Variants in GREB1 observed in about 807,000 individuals in gnomAD.
GREB1 encodes the protein growth regulating estrogen receptor binding 1.
Under a neutral mutation model 200.7 loss-of-function variants are expected in GREB1, and 106 were observed. The observed-to-expected ratio is 0.53, with a 90% CI of 0.45 to 0.62. The LOEUF is 0.62. Among genes scored for constraint, GREB1 ranks in the 20% least tolerant of loss-of-function variants. The pLI is 0.00. For synonymous variants in GREB1, 1,132 were observed against 1,092.4 expected, an observed-to-expected ratio of 1.04 and a Z score of -0.72; for missense variants, 2,243 against 2,556.8, an observed-to-expected ratio of 0.88 and a Z score of 2.65.
chr2:11,517,940 A>C (rs1365386721), intron 1 of GREB1, among the ~76,000 whole-genome samples: 2 of 152,230 alleles, frequency 1.3e-5, no homozygotes, highest in African/African-American at 4.8e-5. Flanking sequence ...ACAGTGAAGC[A>C]TCTTTAACAG....
intron 7 of GREB1, among the ~76,000 whole-genome samples, chr2:11,584,253 G>A (rs534722575): frequency 7.2e-5 from 11 of 152,188 alleles, no homozygotes; most frequent in Non-Finnish European, 1.5e-4. Flanking sequence ...AGAAACTATG[G>A]AAACCAATTC....
chr2:11,495,154 C>T (rs1293476407), intron 1 of GREB1, among the ~76,000 whole-genome samples: 1 of 152,186 alleles, frequency 6.6e-6, no homozygotes, highest in Non-Finnish European at 1.5e-5. Flanking sequence ...ACATATTGCT[C>T]CTGAGCCATG....
In GREB1 at chr2:11,633,770, C is replaced by A. The variant is rs1304255077; in HGVS notation, c.4992-361C>A. Among the ~76,000 whole-genome samples the A allele has an allele frequency of 1.3e-5, 2 of 152,136 alleles. No homozygotes were observed. The highest frequency in any genetic ancestry group is 4.8e-5 in the African/African-American group (2 of 41,412). ...AAACTCCCTTCCTGCTGCCCCAGCC[C>A]CACCCCTCCTCACTAGCCTGACTGC... On this transcript the variant is annotated intron_variant, in intron 28 of 32. Coordinates refer to ENST00000381486, the MANE Select transcript of GREB1 (RefSeq NM_014668.4). The surrounding 1 kb of genome is among the most constrained non-coding windows in gnomAD (Gnocchi z 4.1).
intron 4 of GREB1, among the ~76,000 whole-genome samples, chr2:11,571,205 T>C (rs986581591): frequency 6.6e-6 from 1 of 152,208 alleles, no homozygotes; most frequent in Non-Finnish European, 1.5e-5. Flanking sequence ...AGTAACTGTT[T>C]ATTTTCAGGC....
Position 11,589,006 on chromosome 2 carries a change from G to A in GREB1, c.1345+75G>A, listed in dbSNP as rs114346463. On this transcript the variant is annotated intron_variant, in intron 10 of 32. Transcript: ENST00000381486. ...GAGCACAGACCTGGCCTCGGCCCTC[G>A]TGGGGGCTGACTTGGGCTGCTGGAA... 1,345 of 1,187,154 alleles carry A rather than the reference G, an allele frequency of 1.1e-3. 9 individuals carry two copies. The African/African-American group carries it at 0.018, about 16-fold the overall frequency. The allele number at this position is 1,187,154 out of a possible 1,614,324, so 73.5% of individuals were successfully genotyped here.
intron 27 of GREB1, 127 bp from the exon 28 acceptor site, chr2:11,632,762 G>A: frequency 1.4e-6 from 1 of 696,296 alleles, no homozygotes; most frequent in East Asian, 2.7e-5. Context: ...TTTGTGACAG[G>A]TGATTCATGT....
At chr2:11,556,107 A>T (rs1676406626) in intron 1 of GREB1, among the ~76,000 whole-genome samples, 1 of 152,232 alleles carries the variant, frequency 6.6e-6, no homozygotes, top group Non-Finnish European at 1.5e-5. Flanking sequence ...GCCTTTTACC[A>T]GCAAAGACAA....
intron 19 of GREB1, 127 bp downstream of exon 19, chr2:11,612,737 T>G: frequency 3.3e-6 from 2 of 615,068 alleles, no homozygotes; most frequent in South Asian, 3.9e-5. Context: ...ACAGGCCCCG[T>G]GGGTGGGGCC....
chr2:11,570,826 C>T (rs749878026), intron 4 of GREB1, among the ~76,000 whole-genome samples: 2 of 152,180 alleles, frequency 1.3e-5, no homozygotes, highest in South Asian at 2.1e-4. Context: ...TAGAGGAGTA[C>T]GATGGCCTGA....
chr2:11,539,017 CCT>C (rs1674522063), intron 1 of GREB1, among the ~76,000 whole-genome samples: 19 of 80,540 alleles, frequency 2.4e-4, no homozygotes, highest in Non-Finnish European at 3.0e-4. Flanking sequence ...CCTTCTCCTC[CCT>C]TCTCTTCTCT....
At chr2:11,631,179 G>T (rs1684846647) in intron 26 of GREB1, among the ~76,000 whole-genome samples, 1 of 152,210 alleles carries the variant, frequency 6.6e-6, no homozygotes, top group South Asian at 2.1e-4. Context: ...TGTGGCAGGT[G>T]CTCTGAGGAA....
chr2:11,585,180 G>A lies in GREB1; in HGVS notation c.921G>A (p.Gly307=). 1.9e-6 allele frequency: 3 copies of A among 1,575,358 alleles called. No homozygotes were observed. Among genetic ancestry groups the A allele is most frequent in the Non-Finnish European group, 2.6e-6 (3 of 1,163,958 alleles). ...PSALGILSNS[G]PPKKRHKGWS... Reference sequence around the variant, plus strand: ...GTCTAGGTATCTTGTCAAACTCCGGGCCCCCCAAAAAACGCCACAAAGGGT... The same window carrying A: ...GTCTAGGTATCTTGTCAAACTCCGGACCCCCCAAAAAACGCCACAAAGGGT... The change falls in exon 8 of 33, where the codon GGG becomes GGA. Residue 307 remains glycine, a synonymous_variant. Transcript: ENST00000381486.
In GREB1 at chr2:11,548,264, A is replaced by G. The variant is rs546441106; in HGVS notation, c.-161-8190A>G. Among the ~76,000 whole-genome samples the G allele has an allele frequency of 3.3e-4, 48 of 144,782 alleles. No homozygotes were observed. Among genetic ancestry groups the G allele is most frequent in the Non-Finnish European group, 6.4e-4 (43 of 66,718 alleles). The allele number at this position is 144,782 out of a possible 152,430, so 95.0% of individuals were successfully genotyped here. On this transcript the variant is annotated intron_variant, in intron 1 of 32. Transcript: ENST00000381486. This position sits in a 1 kb window ranked among gnomAD's most constrained non-coding sequence, Gnocchi z 5.1. ...CACATACCCAAACATATGTGCACAC[A>G]CATGTACAGCCAGACACATGCACAC... is the stretch of plus-strand genomic sequence containing the variant.
chr2:11,614,754 G>A (rs1197322978), intron 19 of GREB1, among the ~76,000 whole-genome samples: 5 of 152,072 alleles, frequency 3.3e-5, no homozygotes, highest in East Asian at 1.9e-4. Context: ...TAGTAGAGAC[G>A]GGGTTTCACC....
intron 2 of GREB1, among the ~76,000 whole-genome samples, chr2:11,559,716 G>T (rs1456061601): frequency 2.6e-5 from 4 of 151,960 alleles, no homozygotes; most frequent in Non-Finnish European, 5.9e-5. Context: ...GTACTGCCTT[G>T]CTGGCGCCTG....
At chr2:11,562,221 C>A (rs1297294949) in intron 2 of GREB1, among the ~76,000 whole-genome samples, 2 of 152,216 alleles carry the variant, frequency 1.3e-5, no homozygotes, top group African/African-American at 4.8e-5. Flanking sequence ...CAAGCCTCAG[C>A]TTTTCCCTCC....
intron 1 of GREB1, among the ~76,000 whole-genome samples, chr2:11,520,896 T>TA (rs1673682563): frequency 6.6e-6 from 1 of 152,244 alleles, no homozygotes; most frequent in Admixed American, 6.5e-5. Flanking sequence ...CTCTTCCTCT[T>TA]ACAGATGAGG....
chr2:11,593,919 TG>T (rs1476314028), intron 11 of GREB1, among the ~76,000 whole-genome samples: 4 of 152,212 alleles, frequency 2.6e-5, no homozygotes, highest in Non-Finnish European at 4.4e-5. Flanking sequence ...TGAGCTTTCC[TG>T]GCCTGCTTAA....
chr2:11,485,356 C>T (rs543501432), intron 1 of GREB1, among the ~76,000 whole-genome samples: 1 of 151,776 alleles, frequency 6.6e-6, no homozygotes, highest in African/African-American at 2.4e-5. Context: ...CACTGCCAAC[C>T]TCTGTTTCCT....
Sources: allele counts gnomAD v4.1 joint callset (sites outside exome capture counted in the v4.1 genomes callset), GRCh38; gene constraint gnomAD v4.1.1; non-coding constraint Gnocchi (gnomAD v3.1); transcripts MANE v1.5; gene names NCBI Gene and HGNC (gene_info 2026-07-23, HGNC 2026-07-21).